RFTN1: variants seen among roughly 807,000 people sequenced by gnomAD.
RFTN1 encodes the protein raftlin.
RFTN1 carries 26 observed loss-of-function variants against 46.5 expected under a neutral mutation model. The ratio of observed to expected loss-of-function variants is 0.56; its 90% CI spans 0.41 to 0.78. The LOEUF is 0.78. RFTN1 is among the 30% of genes least tolerant of loss of function. The pLI is 0.00. For missense variants in RFTN1, 693 were observed against 718.7 expected (o/e 0.96, Z 0.41); for synonymous variants, 261 against 284.2 (o/e 0.92, Z 0.82).
rs1347488492 is a variant in RFTN1, at chr3:16,357,947, T to C, written c.1131A>G (p.Gln377=). 6.2e-7 allele frequency: 1 copy of C among 1,611,216 alleles called. No individual in the cohort carries two copies. The highest frequency in any genetic ancestry group is 8.5e-7 in the Non-Finnish European group (1 of 1,177,444). ...CCACACTTACTTCCAGGACTGTCCA[T>C]TGTTCAACCACAATAGCATCATAGC... is the stretch of plus-strand genomic sequence containing the variant. ...IQGYDAIVVE[Q]WTVLEGVEVQ... The change falls in exon 7 of 10, where the codon CAA becomes CAG. Residue 377 remains glutamine, a synonymous_variant. Coordinates refer to ENST00000334133, the MANE Select transcript of RFTN1 (RefSeq NM_015150.2).
In RFTN1 at chr3:16,480,909, G is replaced by C. The variant is rs1176280651; in HGVS notation, c.145+12816C>G. 2.0e-5 allele frequency among the ~76,000 whole-genome samples: 3 copies of C among 152,008 alleles called. No individual in the cohort carries two copies. Among genetic ancestry groups the C allele is most frequent in the Admixed American group, 6.6e-5 (1 of 15,260 alleles). On this transcript the variant is annotated intron_variant, in intron 2 of 9. Transcript: ENST00000334133. The surrounding 1 kb of genome is among the most constrained non-coding windows in gnomAD (Gnocchi z 4.3). ...TTGCTTTGACAGATAACAGTCATCA[G>C]CAAGGAATTTCATTTTACTGAAGGC...
rs957558856 is a variant in RFTN1, at chr3:16,452,137, C to G, written c.146-18100G>C. On this transcript the variant is annotated intron_variant, in intron 2 of 9. Coordinates refer to ENST00000334133, the MANE Select transcript of RFTN1 (RefSeq NM_015150.2). The surrounding 1 kb of genome is among the most constrained non-coding windows in gnomAD (Gnocchi z 6.3). ...CTTATGCATTATTTCTAGAATTTTT[C>G]ATTTCATATTTTGGAAACACGGTTG... is the stretch of plus-strand genomic sequence containing the variant. 1.3e-5 allele frequency among the ~76,000 whole-genome samples: 2 copies of G among 152,120 alleles called. No homozygotes were observed. Among genetic ancestry groups the G allele is most frequent in the African/African-American group, 4.8e-5 (2 of 41,394 alleles).
At position 16,433,221 on chromosome 3, in the gene RFTN1, C is replaced by G. The variant is rs1231593547; in HGVS notation, c.332+630G>C. Among the ~76,000 whole-genome samples, 1 of 151,394 alleles carries G rather than the reference C, an allele frequency of 6.6e-6. No homozygotes were observed. The highest frequency in any genetic ancestry group is 1.5e-5 in the Non-Finnish European group (1 of 67,952). ...ATATTGTTCCTTTTGAAAGACTAAC[C>G]CCACTTCTCTTTTCTTAATTAGGCT... On this transcript the variant is annotated intron_variant, in intron 3 of 9. Transcript: ENST00000334133. The surrounding 1 kb of genome is among the most constrained non-coding windows in gnomAD (Gnocchi z 4.4).
At position 16,447,772 on chromosome 3, in the gene RFTN1, C is replaced by T. The variant is rs78807606; in HGVS notation, c.146-13735G>A. ...CAGAAGAAAAATACGATCTATCCAC[C>T]GTTGGCACAAGAAGGGAAAGATGGA... On this transcript the variant is annotated intron_variant, in intron 2 of 9. Transcript: ENST00000334133. This position sits in a 1 kb window ranked among gnomAD's most constrained non-coding sequence, Gnocchi z 5.9. Among the ~76,000 whole-genome samples the T allele has an allele frequency of 0.02, 3,053 of 152,198 alleles. 103 individuals carry two copies. Among genetic ancestry groups the T allele is most frequent in the African/African-American group, 0.069 (2,868 of 41,520 alleles).
chr3:16,479,738 T>A lies in RFTN1; in HGVS notation c.145+13987A>T, dbSNP rs571885106. ...ACTCACCCCCAGGAAGCTCGTTTGA[T>A]TGAGGTACCTTTTCCAAGCTGCAGT... On this transcript the variant is annotated intron_variant, in intron 2 of 9. Coordinates refer to ENST00000334133, the MANE Select transcript of RFTN1 (RefSeq NM_015150.2). The surrounding 1 kb of genome is among the most constrained non-coding windows in gnomAD (Gnocchi z 5.1). Among the ~76,000 whole-genome samples the A allele has an allele frequency of 1.3e-5, 2 of 152,296 alleles. No individual in the cohort carries two copies. Among genetic ancestry groups the A allele is most frequent in the East Asian group, 3.9e-4 (2 of 5,190 alleles).
rs1163305321 is a variant in RFTN1 at position 16,387,568 on chromosome 3, A to G, written c.442-9466T>C. On this transcript the variant is annotated intron_variant, in intron 4 of 9. Transcript: ENST00000334133. The surrounding 1 kb of genome is among the most constrained non-coding windows in gnomAD (Gnocchi z 5.2). ...ACCACTTCTCTCTTCTATATCCTCAATTTCTCTCTCTCTCTCTCTCTCTCT... is the reference window on the plus strand; with the variant it reads ...ACCACTTCTCTCTTCTATATCCTCAGTTTCTCTCTCTCTCTCTCTCTCTCT... 3.8e-5 allele frequency among the ~76,000 whole-genome samples: 1 copy of G among 26,556 alleles called. No homozygotes were observed. Among genetic ancestry groups the G allele is most frequent in the African/African-American group, 1.8e-4 (1 of 5,542 alleles). 17.4% of individuals were successfully genotyped at this position (26,556 alleles called of 152,430 possible). A position where few individuals can be genotyped will look rare whatever the true frequency, so the allele number is the denominator to read the frequency against.
intron 5 of RFTN1, chr3:16,371,021 A>G (rs915013700): frequency 6.6e-6 from 1 of 152,250 alleles, no homozygotes; most frequent in African/African-American, 2.4e-5. Flanking sequence ...GTGGCTTAGC[A>G]GTAGCAGCCT....
rs2075328086 is a variant in RFTN1, at chr3:16,428,589, A to T, written c.332+5262T>A. On this transcript the variant is annotated intron_variant, in intron 3 of 9. Transcript: ENST00000334133. This position sits in a 1 kb window ranked among gnomAD's most constrained non-coding sequence, Gnocchi z 4.7. ...AAAGGTGCCTGATAAATGTCCACAG[A>T]GCTCCCTAGTATGCTGGTCCCTGTA... Among the ~76,000 whole-genome samples the T allele has an allele frequency of 6.6e-6, 1 of 152,192 alleles. No individual in the cohort carries two copies.
chr3:16,500,290 T>C lies in RFTN1; in HGVS notation c.-8-6413A>G, dbSNP rs1296380628. On this transcript the variant is annotated intron_variant, in intron 1 of 9. Transcript: ENST00000334133. The surrounding 1 kb of genome is among the most constrained non-coding windows in gnomAD (Gnocchi z 5.9). ...TTTTATGTGTGAGTTCATTGTTGGA[T>C]CAGCTTTGATTGACAGGTGTCCAGG... Among the ~76,000 whole-genome samples the C allele has an allele frequency of 1.3e-5, 2 of 152,240 alleles. No homozygotes were observed. Among genetic ancestry groups the C allele is most frequent in the Non-Finnish European group, 2.9e-5 (2 of 68,036 alleles).
rs901250259 is a variant in RFTN1 at position 16,329,934 on chromosome 3, G to A, written c.1147-3058C>T. Among the ~76,000 whole-genome samples the A allele has an allele frequency of 3.3e-5, 5 of 152,086 alleles. No homozygotes were observed. Among genetic ancestry groups the A allele is most frequent in the African/African-American group, 7.2e-5 (3 of 41,390 alleles). The stretch of plus-strand genomic sequence containing the variant: ...CACCCAGAGCTGCGAGACAATGAAC[G>A]ACCCCTGCTGCAGCCCGACCCGCCT... On this transcript the variant is annotated intron_variant, in intron 7 of 9. Coordinates refer to ENST00000334133, the MANE Select transcript of RFTN1 (RefSeq NM_015150.2). This position sits in a 1 kb window ranked among gnomAD's most constrained non-coding sequence, Gnocchi z 4.5.
chr3:16,398,244 C>CAAAAA (rs202032095), intron 4 of RFTN1, among the ~76,000 whole-genome samples: 81 of 110,882 alleles, frequency 7.3e-4, no homozygotes, highest in South Asian at 1.1e-3. Flanking sequence ...AAGACTGTCT[C>CAAAAA]AAAAAAAAAA....
At chr3:16,445,876 C>T (rs2075720166) in intron 2 of RFTN1, among the ~76,000 whole-genome samples, 1 of 151,926 alleles carries the variant, frequency 6.6e-6, no homozygotes, top group Admixed American at 6.6e-5. Flanking sequence ...TCATTTGTTT[C>T]ACAGCATCTA....
In RFTN1 at chr3:16,361,792, G is replaced by C. The variant is rs1023647367; in HGVS notation, c.1031-3745C>G. 1.3e-5 allele frequency among the ~76,000 whole-genome samples: 2 copies of C among 152,192 alleles called. No individual in the cohort carries two copies. Among genetic ancestry groups the C allele is most frequent in the Non-Finnish European group, 2.9e-5 (2 of 68,036 alleles). The stretch of plus-strand genomic sequence containing the variant: ...AGACATAAAAAGCACGTGTGTGGTT[G>C]AACTTGGCCTCTTGTGTCTTGGCCA... On this transcript the variant is annotated intron_variant, in intron 6 of 9. Transcript: ENST00000334133. The surrounding 1 kb of genome is among the most constrained non-coding windows in gnomAD (Gnocchi z 4.3).
At position 16,400,981 on chromosome 3, in the gene RFTN1, A is replaced by G. The variant is rs1181914366; in HGVS notation, c.441+8394T>C. On this transcript the variant is annotated intron_variant, in intron 4 of 9. Coordinates refer to ENST00000334133, the MANE Select transcript of RFTN1 (RefSeq NM_015150.2). This position sits in a 1 kb window ranked among gnomAD's most constrained non-coding sequence, Gnocchi z 4.5. ...TGCCTGGAACCTGCCTCCATCTTTT[A>G]TCACCTCTTCTCTCCCAATACCTTT... Among the ~76,000 whole-genome samples the G allele has an allele frequency of 2.0e-5, 3 of 151,938 alleles. No homozygotes were observed. The highest frequency in any genetic ancestry group is 3.9e-4 in the East Asian group (2 of 5,136).
In RFTN1 at chr3:16,449,384, C is replaced by T. The variant is rs1238486612; in HGVS notation, c.146-15347G>A. Among the ~76,000 whole-genome samples, 1 of 152,152 alleles carries T rather than the reference C, an allele frequency of 6.6e-6. No individual in the cohort carries two copies. The highest frequency in any genetic ancestry group is 2.4e-5 in the African/African-American group (1 of 41,428). On this transcript the variant is annotated intron_variant, in intron 2 of 9. Transcript: ENST00000334133. This position sits in a 1 kb window ranked among gnomAD's most constrained non-coding sequence, Gnocchi z 5.1. ...GTGCCATCCCTTACTAGCCATATGA[C>T]TTTGGGTGAATTACGAATGCTTATG...
intron 1 of RFTN1, among the ~76,000 whole-genome samples, chr3:16,495,036 G>A (rs1427002680): frequency 1.3e-5 from 2 of 152,134 alleles, no homozygotes; most frequent in Non-Finnish European, 2.9e-5. Context: ...GGGTGGAGTG[G>A]AAGGAGACGG....
At position 16,345,776 on chromosome 3, in the gene RFTN1, T is replaced by C. The variant is rs890215748; in HGVS notation, c.1146+12156A>G. On this transcript the variant is annotated intron_variant, in intron 7 of 9. Coordinates refer to ENST00000334133, the MANE Select transcript of RFTN1 (RefSeq NM_015150.2). The surrounding 1 kb of genome is among the most constrained non-coding windows in gnomAD (Gnocchi z 5.2). ...TCCATAATCACATGAGCCAAAACCT[T>C]ATAATAAATCTCTGTGTGTGTGTGT... Among the ~76,000 whole-genome samples the C allele has an allele frequency of 1.6e-4, 23 of 139,908 alleles. No homozygotes were observed. Among genetic ancestry groups the C allele is most frequent in the Non-Finnish European group, 3.0e-4 (19 of 63,540 alleles). The allele number at this position is 139,908 out of a possible 152,430, so 91.8% of individuals were successfully genotyped here. A position where few individuals can be genotyped will look rare whatever the true frequency, so the allele number is the denominator to read the frequency against.
rs753254616 is a variant in RFTN1 at position 16,504,686 on chromosome 3, C to T, written c.-9+8756G>A. On this transcript the variant is annotated intron_variant, in intron 1 of 9. Coordinates refer to ENST00000334133, the MANE Select transcript of RFTN1 (RefSeq NM_015150.2). This position sits in a 1 kb window ranked among gnomAD's most constrained non-coding sequence, Gnocchi z 4.4. The stretch of plus-strand genomic sequence containing the variant: ...GTCTCTCCCTTAGCACTCACACTCC[C>T]TCTCTTGCCCTAACTTGACCTGCTC... Among the ~76,000 whole-genome samples the T allele has an allele frequency of 1.3e-5, 2 of 152,160 alleles. No individual in the cohort carries two copies. The highest frequency in any genetic ancestry group is 2.9e-5 in the Non-Finnish European group (2 of 68,024).
At position 16,460,252 on chromosome 3, in the gene RFTN1, G is replaced by T. The variant is rs1233688638; in HGVS notation, c.146-26215C>A. ...TTATTTTGATATTTGTACATTTACT[G>T]GGATCTGGCAGGATGAGTTGCACAT... On this transcript the variant is annotated intron_variant, in intron 2 of 9. Coordinates refer to ENST00000334133, the MANE Select transcript of RFTN1 (RefSeq NM_015150.2). The surrounding 1 kb of genome is among the most constrained non-coding windows in gnomAD (Gnocchi z 4.8). Among the ~76,000 whole-genome samples, 1 of 152,108 alleles carries T rather than the reference G, an allele frequency of 6.6e-6. No individual in the cohort carries two copies. Among genetic ancestry groups the T allele is most frequent in the Non-Finnish European group, 1.5e-5 (1 of 68,014 alleles).
Sources: allele counts gnomAD v4.1 joint callset (sites outside exome capture counted in the v4.1 genomes callset), GRCh38; gene constraint gnomAD v4.1.1; non-coding constraint Gnocchi (gnomAD v3.1); transcripts MANE v1.5; gene names NCBI Gene and HGNC (gene_info 2026-07-23, HGNC 2026-07-21).